Variants in PBX4 observed in about 807,000 individuals in gnomAD.
PBX4 encodes the protein PBX homeobox 4, also known as pre-B-cell leukemia transcription factor 4.
A neutral mutation model predicts 35.1 loss-of-function variants in PBX4; 26 were observed. The observed-to-expected ratio is 0.74, with a 90% CI of 0.54 to 1.03. The LOEUF (loss-of-function observed/expected upper bound fraction) is 1.03. Ranked by LOEUF, PBX4 falls within the 50% of genes least tolerant of loss-of-function variation. PBX4 has a pLI of 0.00. For synonymous variants in PBX4, 199 were observed against 204.2 expected, an observed-to-expected ratio of 0.97 and a Z score of 0.22; for missense variants, 448 against 504.3, an observed-to-expected ratio of 0.89 and a Z score of 1.07.
chr19:19,598,906 G>A (rs187253051), intron 2 of PBX4, among the ~76,000 whole-genome samples: 34 of 147,332 alleles, frequency 2.3e-4, no homozygotes, highest in Non-Finnish European at 5.9e-5. Flanking sequence ...TCACACACAG[G>A]AAGTGCCTTT....
intron 2 of PBX4, among the ~76,000 whole-genome samples, chr19:19,574,451 C>G (rs906855079): frequency 6.6e-6 from 1 of 152,068 alleles, no homozygotes; most frequent in Admixed American, 6.6e-5. Context: ...GAAAACACCC[C>G]CTCTCCCTGA....
chr19:19,575,859 G>A (rs1328333294), intron 2 of PBX4, among the ~76,000 whole-genome samples: 3 of 152,146 alleles, frequency 2.0e-5, no homozygotes, highest in Non-Finnish European at 4.4e-5. Flanking sequence ...TCGCGGCCAG[G>A]TGTCATGTGT....
At chr19:19,618,485 G>T in intron 1 of PBX4, 26 bp downstream of exon 1, 1 of 1,431,980 alleles carries the variant, frequency 7.0e-7, no homozygotes. Flanking sequence ...ACCCTGCGTG[G>T]CCCCTGCCGA....
At chr19:19,574,777 A>T (rs2061408744) in intron 2 of PBX4, among the ~76,000 whole-genome samples, 1 of 151,682 alleles carries the variant, frequency 6.6e-6, no homozygotes, top group African/African-American at 2.4e-5. Context: ...TGGGATTACA[A>T]GCATGCGCCA....
chr19:19,570,044 A>G, intron 4 of PBX4, 65 bp downstream of exon 4: 3 of 1,496,830 alleles, frequency 2.0e-6, no homozygotes, highest in Admixed American at 4.3e-5. Context: ...AACCCAAGCC[A>G]GCACTATTTC....
chr19:19,580,614 T>C (rs958035808), intron 2 of PBX4, among the ~76,000 whole-genome samples: 16 of 152,240 alleles, frequency 1.1e-4, no homozygotes, highest in African/African-American at 3.4e-4. Flanking sequence ...TACAAGGCAT[T>C]CTGGCAAGGT....
chr19:19,616,674 C>T (rs2061690721), intron 1 of PBX4, among the ~76,000 whole-genome samples: 1 of 151,426 alleles, frequency 6.6e-6, no homozygotes, highest in Admixed American at 6.6e-5. Flanking sequence ...GTTCCAGTCT[C>T]CCTTTATTAT....
intron 5 of PBX4, among the ~76,000 whole-genome samples, chr19:19,565,467 G>C (rs1347966783): frequency 6.6e-6 from 1 of 152,218 alleles, no homozygotes; most frequent in Non-Finnish European, 1.5e-5. Flanking sequence ...TTCAGGAAAA[G>C]TGAGAGCCAG....
chr19:19,594,266 G>A (rs1320222118), intron 2 of PBX4, among the ~76,000 whole-genome samples: 1 of 151,622 alleles, frequency 6.6e-6, no homozygotes, highest in Non-Finnish European at 1.5e-5. Context: ...TTAGCCGGGT[G>A]TGGTGGCAGA....
At chr19:19,617,375 G>C (rs2061693791) in intron 1 of PBX4, among the ~76,000 whole-genome samples, 2 of 152,000 alleles carry the variant, frequency 1.3e-5, no homozygotes, top group South Asian at 4.1e-4. Context: ...GCAATGGCTT[G>C]ATTCGGCTCA....
Position 19,562,211 on chromosome 19 carries a change from G to A in PBX4, c.1033-94C>T, listed in dbSNP as rs991581398. ...GCAGGCGGAGCCTCCAGGGGTCCCT[G>A]GGAAGGCTTGGAAAAGATCCACAGA... On this transcript the variant is annotated intron_variant, in intron 7 of 7. Transcript: ENST00000251203. The surrounding 1 kb of genome is among the most constrained non-coding windows in gnomAD (Gnocchi z 4.8). The A allele has an allele frequency of 3.3e-6, 3 of 896,106 alleles. No homozygotes were observed. The highest frequency in any genetic ancestry group is 1.7e-5 in the African/African-American group (1 of 58,514). The allele number at this position is 896,106 out of a possible 1,614,324, so 55.5% of individuals were successfully genotyped here.
Position 19,562,242 on chromosome 19 carries a change from T to TC in PBX4, c.1033-126dup, listed in dbSNP as rs1207677990. 4 of 653,884 alleles carry TC rather than the reference T, an allele frequency of 6.1e-6. No individual in the cohort carries two copies. Among genetic ancestry groups the TC allele is most frequent in the Non-Finnish European group, 1.0e-5 (4 of 390,368 alleles). 40.5% of individuals were successfully genotyped at this position (653,884 alleles called of 1,614,324 possible). A position where few individuals can be genotyped will look rare whatever the true frequency, so the allele number is the denominator to read the frequency against. On this transcript the variant is annotated intron_variant, in intron 7 of 7. Transcript: ENST00000251203. This position sits in a 1 kb window ranked among gnomAD's most constrained non-coding sequence, Gnocchi z 4.8. ...GCTTGGAAAAGATCCACAGATGACC[T>TC]CCAGCTCAGTGGAGGAGGGAAGGGA...
chr19:19,609,235 C>A (rs1452435625), intron 1 of PBX4, among the ~76,000 whole-genome samples: 1 of 152,120 alleles, frequency 6.6e-6, no homozygotes, highest in Non-Finnish European at 1.5e-5. Context: ...AGTTATCTGG[C>A]CACTTGATTC....
At chr19:19,592,415 T>C (rs951462626) in intron 2 of PBX4, among the ~76,000 whole-genome samples, 4 of 152,062 alleles carry the variant, frequency 2.6e-5, no homozygotes, top group African/African-American at 9.7e-5. Flanking sequence ...TCCTTGGCCT[T>C]CAGAGACCAC....
At chr19:19,587,941 G>A (rs1330094013) in intron 2 of PBX4, 5 of 398,216 alleles carry the variant, frequency 1.3e-5, no homozygotes, top group African/African-American at 8.3e-5. Flanking sequence ...GAAGGGAGAG[G>A]AGGGGGTGGC....
intron 1 of PBX4, among the ~76,000 whole-genome samples, chr19:19,604,191 T>G (rs933694514): frequency 6.6e-6 from 1 of 151,660 alleles, no homozygotes; most frequent in Non-Finnish European, 1.5e-5. Context: ...CCATGAGAGG[T>G]TGGGCATGGT....
At chr19:19,584,304 A>G (rs531917627) in intron 2 of PBX4, among the ~76,000 whole-genome samples, 2 of 152,312 alleles carry the variant, frequency 1.3e-5, no homozygotes, top group East Asian at 3.9e-4. Flanking sequence ...GATAATGGGC[A>G]TGTCCTCAAG....
intron 2 of PBX4, among the ~76,000 whole-genome samples, chr19:19,577,305 C>T (rs994887330): frequency 1.3e-5 from 2 of 152,050 alleles, no homozygotes; most frequent in Non-Finnish European, 2.9e-5. Context: ...TTTTGAGATA[C>T]TGGTTAACCT....
intron 2 of PBX4, among the ~76,000 whole-genome samples, chr19:19,591,979 G>A (rs148453480): frequency 0.015 from 2,293 of 152,248 alleles, 79 homozygotes; most frequent in South Asian, 0.076. Flanking sequence ...TTCTGCCTCA[G>A]CCTCCCGTGT....
Sources: allele counts gnomAD v4.1 joint callset (sites outside exome capture counted in the v4.1 genomes callset), GRCh38; gene constraint gnomAD v4.1.1; non-coding constraint Gnocchi (gnomAD v3.1); transcripts MANE v1.5; gene names NCBI Gene and HGNC (gene_info 2026-07-23, HGNC 2026-07-21).